Variants in CACNB2 observed in about 807,000 individuals in gnomAD.
CACNB2 encodes the protein calcium voltage-gated channel auxiliary subunit beta 2.
CACNB2 carries 42 observed loss-of-function variants against 73.3 expected under a neutral mutation model. That is an observed-to-expected ratio of 0.57 (90% CI 0.45 to 0.74). The LOEUF is 0.74. Among genes scored for constraint, CACNB2 ranks in the 30% least tolerant of loss-of-function variants. The pLI is 0.00. For missense variants in CACNB2, 940 were observed against 853.0 expected (o/e 1.10, Z -1.27); for synonymous variants, 348 against 310.3 (o/e 1.12, Z -1.28).
chr10:18,434,927 T>G (rs2046060898), intron 3 of CACNB2, among the ~76,000 whole-genome samples: 3 of 152,206 alleles, frequency 2.0e-5, no homozygotes, highest in African/African-American at 7.2e-5. Flanking sequence ...AAATGATGTC[T>G]TAGTGCCATT....
At chr10:18,189,483 A>T (rs2034300678) in intron 2 of CACNB2, among the ~76,000 whole-genome samples, 1 of 152,118 alleles carries the variant, frequency 6.6e-6, no homozygotes, top group Non-Finnish European at 1.5e-5. Context: ...TGCATTGTTC[A>T]GTAGCTTATT....
chr10:18,384,559 C>T lies in CACNB2; in HGVS notation c.214-17365C>T, dbSNP rs996340290. On this transcript the variant is annotated intron_variant, in intron 2 of 13. Coordinates refer to ENST00000324631, the MANE Select transcript of CACNB2 (RefSeq NM_201596.3). ...TGGGCAACGTGGTGAAACCCTGTCT[C>T]TCCAAAAAAAGAAAAAAACAATTAG... 3.3e-5 allele frequency among the ~76,000 whole-genome samples: 5 copies of T among 151,778 alleles called. No individual in the cohort carries two copies. In the East Asian group the frequency reaches 7.7e-4, roughly 24 times the overall value.
chr10:18,539,775 T>TAAC lies in CACNB2; in HGVS notation c.*53_*55dup. The stretch of plus-strand genomic sequence containing the variant: ...TTTTTTTTTTGAAGTCTTGTATAAC[T>TAAC]AACAGCATCCCCAAAACAAAGTCTT... On this transcript the variant is annotated 3_prime_UTR_variant, in exon 14 of 14. Transcript: ENST00000324631. 1 of 1,539,416 alleles carries TAAC rather than the reference T, an allele frequency of 6.5e-7. No homozygotes were observed. Among genetic ancestry groups the TAAC allele is most frequent in the East Asian group, 2.3e-5 (1 of 42,574 alleles).
chr10:18,529,714 A>C (rs565154817), intron 10 of CACNB2, among the ~76,000 whole-genome samples: 1 of 152,368 alleles, frequency 6.6e-6, no homozygotes, highest in East Asian at 1.9e-4. Flanking sequence ...AGAGGCAGGC[A>C]TAAGACATGA....
In CACNB2 at chr10:18,140,706, G is replaced by C. The variant is rs370198927; in HGVS notation, c.-31G>C. 6.4e-7 allele frequency: 1 copy of C among 1,574,016 alleles called. No individual in the cohort carries two copies. On this transcript the variant is annotated 5_prime_UTR_variant, in exon 1 of 14. Transcript: ENST00000324631. ...AGGAGGGGACCCGCCGCCGGGGGCT[G>C]GCTGCTTCGCTCCGAGCCGACTTTT...
intron 2 of CACNB2, among the ~76,000 whole-genome samples, chr10:18,310,482 G>A (rs1448540514): frequency 6.7e-6 from 1 of 150,234 alleles, no homozygotes; most frequent in Non-Finnish European, 1.5e-5. Context: ...GTGGATGCCT[G>A]TAATCCCAGC....
At chr10:18,169,567 A>T (rs1688528915) in intron 2 of CACNB2, among the ~76,000 whole-genome samples, 1 of 152,210 alleles carries the variant, frequency 6.6e-6, no homozygotes, top group Non-Finnish European at 1.5e-5. Flanking sequence ...GTTCAACCTC[A>T]ATTTAGAGTA....
intron 2 of CACNB2, among the ~76,000 whole-genome samples, chr10:18,205,382 C>T (rs528804353): frequency 1.3e-5 from 2 of 152,266 alleles, no homozygotes; most frequent in East Asian, 1.9e-4. Flanking sequence ...AGCGAGCACT[C>T]GTAAATGGTA....
At chr10:18,492,485 G>A (rs2049497301) in intron 3 of CACNB2, among the ~76,000 whole-genome samples, 1 of 152,072 alleles carries the variant, frequency 6.6e-6, no homozygotes, top group Non-Finnish European at 1.5e-5. Context: ...GCCGGGTGTG[G>A]TGGCATGCGC....
chr10:18,308,832 G>A (rs2039848095), intron 2 of CACNB2, among the ~76,000 whole-genome samples: 1 of 152,130 alleles, frequency 6.6e-6, no homozygotes, highest in African/African-American at 2.4e-5. Flanking sequence ...TTTTTTGGGT[G>A]AACAAGTTGT....
chr10:18,468,889 A>G (rs755192430), intron 3 of CACNB2, among the ~76,000 whole-genome samples: 1 of 152,168 alleles, frequency 6.6e-6, no homozygotes, highest in Non-Finnish European at 1.5e-5. Flanking sequence ...ATGAGCCACC[A>G]TGCCTGGCCA....
intron 2 of CACNB2, among the ~76,000 whole-genome samples, chr10:18,220,132 T>C (rs1342941602): frequency 5.4e-5 from 2 of 36,840 alleles, no homozygotes; most frequent in East Asian, 8.4e-4. Context: ...TATATATATA[T>C]ATATATATAT....
chr10:18,241,122 C>G (rs1176334365), intron 2 of CACNB2, among the ~76,000 whole-genome samples: 1 of 152,148 alleles, frequency 6.6e-6, no homozygotes, highest in African/African-American at 2.4e-5. Context: ...CCTTTCCAGA[C>G]TAAACTCGTG....
chr10:18,213,222 A>C (rs1034452558), intron 2 of CACNB2, among the ~76,000 whole-genome samples: 1 of 152,182 alleles, frequency 6.6e-6, no homozygotes, highest in Non-Finnish European at 1.5e-5. Flanking sequence ...CCTTGGTAGA[A>C]TTTAGATTTG....
chr10:18,526,117 T>C (rs943492094), intron 9 of CACNB2, among the ~76,000 whole-genome samples: 1 of 152,220 alleles, frequency 6.6e-6, no homozygotes, highest in Non-Finnish European at 1.5e-5. Context: ...CTTGTCAACT[T>C]TGTGTTTCTG....
chr10:18,458,914 C>G (rs1357122322), intron 3 of CACNB2, among the ~76,000 whole-genome samples: 1 of 151,856 alleles, frequency 6.6e-6, no homozygotes, highest in Non-Finnish European at 1.5e-5. Context: ...TACAAGCACC[C>G]GCCATCATGC....
chr10:18,519,718 A>C (rs2051657806), intron 9 of CACNB2: 1 of 455,906 alleles, frequency 2.2e-6, no homozygotes, highest in Non-Finnish European at 4.4e-6. Flanking sequence ...TCTTTACAGG[A>C]AGATTCCTTG....
chr10:18,277,071 C>T (rs188058318), intron 2 of CACNB2, among the ~76,000 whole-genome samples: 40 of 152,260 alleles, frequency 2.6e-4, no homozygotes, highest in African/African-American at 8.7e-4. Flanking sequence ...GAGCCGTGTT[C>T]GTGCCACTGC....
chr10:18,228,433 C>CAAAAAAAAAAAAAAAAAAAAAAAAAAAAA (rs1164745930), intron 2 of CACNB2, among the ~76,000 whole-genome samples: 35 of 34,788 alleles, frequency 1.0e-3, no homozygotes, highest in Non-Finnish European at 1.2e-3. Context: ...AACTCTACCT[C>CAAAAAAAAAAAAAAAAAAAAAAAAAAAAA]AAAAAAAAAA....
Sources: gnomAD v4.1 joint callset for allele counts (sites outside exome capture counted in the v4.1 genomes callset) on GRCh38, gnomAD v4.1.1 for gene constraint, MANE v1.5 for transcripts, NCBI Gene and HGNC (gene_info 2026-07-23, HGNC 2026-07-21) for gene names.